Variants in ADAMTS14 observed in about 807,000 individuals in gnomAD.
ADAMTS14 encodes the protein ADAM metallopeptidase with thrombospondin type 1 motif 14, also known as A disintegrin and metalloproteinase with thrombospondin motifs 14.
In ADAMTS14, 100 loss-of-function variants were observed where a neutral mutation model predicts 128.6. That is an observed-to-expected ratio of 0.78 (90% CI 0.66 to 0.92). The LOEUF (loss-of-function observed/expected upper bound fraction) is 0.92, where lower values mean the gene tolerates loss of function less well. Among genes scored for constraint, ADAMTS14 ranks in the 40% least tolerant of loss-of-function variants. ADAMTS14 has a pLI of 0.00. For missense variants in ADAMTS14, 1,562 were observed against 1,658.6 expected (o/e 0.94, Z 1.01); for synonymous variants, 665 against 653.8 (o/e 1.02, Z -0.26).
chr10:70,729,169 A>G (rs1841539300), intron 4 of ADAMTS14, 125 bp from the exon 5 acceptor site: 7 of 787,770 alleles, frequency 8.9e-6, no homozygotes, highest in Non-Finnish European at 1.5e-5. Context: ...GTAAAGTAGG[A>G]TAAGTATCTT....
intron 12 of ADAMTS14, 23 bp downstream of exon 12, chr10:70,741,185 C>T (rs948292510): frequency 3.7e-6 from 6 of 1,609,428 alleles, no homozygotes; most frequent in Non-Finnish European, 5.1e-6. Flanking sequence ...CACCCCCCTC[C>T]CACTCCATGT....
At position 70,733,920 on chromosome 10, in the gene ADAMTS14, G is replaced by T; in HGVS notation, c.1244G>T (p.Cys415Phe). 6.2e-7 allele frequency: 1 copy of T among 1,613,916 alleles called. No individual in the cohort carries two copies. The highest frequency in any genetic ancestry group is 8.5e-7 in the Non-Finnish European group (1 of 1,179,994). ...GAGCATGACGGTCAGGGGAATGGCT[G>T]TGCAGATGAGACCAGCCTGGGCAGC... ...GMEHDGQGNG[C>F]ADETSLGSVM... Residue 415 changes from cysteine (C) to phenylalanine (F), a missense_variant, in exon 8 of 22, where the codon TGT becomes TTT. Physicochemically the swap from Cys to Phe is radical, Grantham distance 205. Coordinates refer to ENST00000373207, the MANE Select transcript of ADAMTS14 (RefSeq NM_080722.4).
intron 4 of ADAMTS14, among the ~76,000 whole-genome samples, chr10:70,717,602 G>T (rs542027810): frequency 7.2e-5 from 11 of 152,312 alleles, no homozygotes; most frequent in Non-Finnish European, 1.5e-5. Flanking sequence ...TGGCCCAGGG[G>T]TGATGGACCA....
At chr10:70,738,775 T>TC in intron 10 of ADAMTS14, 67 bp from the exon 11 acceptor site, 1 of 1,606,220 alleles carries the variant, frequency 6.2e-7, no homozygotes, top group Non-Finnish European at 8.5e-7. Flanking sequence ...TATCCCTTTT[T>TC]CTGGCTCCCC....
chr10:70,713,772 C>T (rs1245857661), intron 4 of ADAMTS14, among the ~76,000 whole-genome samples: 2 of 152,168 alleles, frequency 1.3e-5, no homozygotes, highest in Admixed American at 1.3e-4. Context: ...GACCTGTGCC[C>T]AGAAGGCAAG....
At position 70,702,334 on chromosome 10, in the gene ADAMTS14, G is replaced by T. The variant is rs879079326; in HGVS notation, c.545G>T (p.Ser182Ile). 6.2e-7 allele frequency: 1 copy of T among 1,614,210 alleles called. No homozygotes were observed. The highest frequency in any genetic ancestry group is 1.1e-5 in the South Asian group (1 of 91,078). ...DGLAGLIRTD[S>I]TDFFIEPLER... ...CAGGCGGGCCTCATCCGCACAGACA[G>T]CACCGACTTCTTCATTGAGCCTCTG... The change falls in exon 3 of 22, where the codon AGC becomes ATC. Residue 182 changes from serine to isoleucine, a missense_variant. Ser to Ile is a moderately radical substitution (Grantham distance 142). Coordinates refer to ENST00000373207, the MANE Select transcript of ADAMTS14 (RefSeq NM_080722.4).
chr10:70,743,473 G>A, intron 12 of ADAMTS14, 75 bp from the exon 13 acceptor site: 4 of 1,510,160 alleles, frequency 2.6e-6, no homozygotes, highest in South Asian at 1.3e-5. Flanking sequence ...TTTCTGGCTG[G>A]ACCACATACT....
In ADAMTS14 at chr10:70,744,194, G is replaced by A. The variant is rs1427035276; in HGVS notation, c.2182+5G>A. The A allele has an allele frequency of 3.3e-6, 5 of 1,523,898 alleles. No homozygotes were observed. The highest frequency in any genetic ancestry group is 4.4e-6 in the Non-Finnish European group (5 of 1,129,852). 94.4% of individuals were successfully genotyped at this position (1,523,898 alleles called of 1,614,324 possible). A position where few individuals can be genotyped will look rare whatever the true frequency, so the allele number is the denominator to read the frequency against. On this transcript the variant is annotated splice_donor_5th_base_variant and intron_variant, in intron 14 of 21. Coordinates refer to ENST00000373207, the MANE Select transcript of ADAMTS14 (RefSeq NM_080722.4). ...GCAAGGCCTCCAAGCAGGCAGGTGA[G>A]CCGGGCTGGGGCTGGGGGGATGACG...
At position 70,740,987 on chromosome 10, in the gene ADAMTS14, C is replaced by A; in HGVS notation, c.1749C>A (p.Ser583=). 6.2e-7 allele frequency: 1 copy of A among 1,613,910 alleles called. No homozygotes were observed. The highest frequency in any genetic ancestry group is 1.1e-5 in the South Asian group (1 of 91,058). Residue 583 remains serine, a splice_region_variant and synonymous_variant, in exon 12 of 22, where the codon TCC becomes TCA. Coordinates refer to ENST00000373207, the MANE Select transcript of ADAMTS14 (RefSeq NM_080722.4). ...RSRSRSCNNP[S]PAYGGRLCLG... ...ATCCATTTCTCTGTGTCTGTCCCAG[C>A]CCAGCCTATGGAGGCCGCCTGTGCT...
At chr10:70,700,832 A>C (rs971624158) in intron 2 of ADAMTS14, among the ~76,000 whole-genome samples, 6 of 152,114 alleles carry the variant, frequency 3.9e-5, no homozygotes, top group African/African-American at 1.4e-4. Context: ...TGCCCATAGG[A>C]GGCACACAGT....
At chr10:70,697,801 A>G (rs1400916159) in intron 2 of ADAMTS14, among the ~76,000 whole-genome samples, 1 of 152,212 alleles carries the variant, frequency 6.6e-6, no homozygotes, top group Non-Finnish European at 1.5e-5. Context: ...AGGGGAACCC[A>G]TACTGGAAAA....
At chr10:70,743,108 A>G (rs148715596) in intron 12 of ADAMTS14, among the ~76,000 whole-genome samples, 6 of 152,228 alleles carry the variant, frequency 3.9e-5, no homozygotes, top group Non-Finnish European at 5.9e-5. Context: ...CTGGTCCTCA[A>G]TTTCCTCCTC....
intron 17 of ADAMTS14, 26 bp downstream of exon 17, chr10:70,751,672 C>G (rs1442027932): frequency 6.3e-7 from 1 of 1,596,356 alleles, no homozygotes; most frequent in South Asian, 1.1e-5. Flanking sequence ...CCCGCCAGTG[C>G]TTTGTTGGGG....
rs1842298765 is a variant in ADAMTS14, at chr10:70,749,872, G to A, written c.2314G>A (p.Glu772Lys). 1.2e-6 allele frequency: 2 copies of A among 1,613,974 alleles called. No individual in the cohort carries two copies. Among genetic ancestry groups the A allele is most frequent in the Non-Finnish European group, 8.5e-7 (1 of 1,180,030 alleles). The change falls in exon 16 of 22, where the codon GAA becomes AAA. Residue 772 changes from glutamate (E) to lysine (K), a missense_variant. Coordinates refer to ENST00000373207, the MANE Select transcript of ADAMTS14 (RefSeq NM_080722.4). ...CTTCATCCTCAACCCCAAGGGCAAGGAAGCCACAAGCCGGACCTTCACCGC... is the reference window on the plus strand; with the variant it reads ...CTTCATCCTCAACCCCAAGGGCAAGAAAGCCACAAGCCGGACCTTCACCGC... ...GSFILNPKGK[E>K]ATSRTFTAMG...
chr10:70,683,624 T>A (rs991881192), intron 2 of ADAMTS14, among the ~76,000 whole-genome samples: 4 of 152,226 alleles, frequency 2.6e-5, no homozygotes, highest in African/African-American at 9.6e-5. Context: ...ATCATTCTTG[T>A]GTAACAAATC....
chr10:70,754,035 G>T, intron 19 of ADAMTS14, 28 bp downstream of exon 19: 1 of 1,509,620 alleles, frequency 6.6e-7, no homozygotes, highest in Middle Eastern at 2.2e-4. Flanking sequence ...GGTGGGAGGG[G>T]CTTGGGGAGG....
At chr10:70,700,916 G>A (rs1484937546) in intron 2 of ADAMTS14, among the ~76,000 whole-genome samples, 3 of 152,214 alleles carry the variant, frequency 2.0e-5, no homozygotes, top group Non-Finnish European at 4.4e-5. Flanking sequence ...ATTTTAACAA[G>A]CACACCAGAA....
At chr10:70,753,556 C>A (rs1270289881) in intron 18 of ADAMTS14, among the ~76,000 whole-genome samples, 1 of 152,158 alleles carries the variant, frequency 6.6e-6, no homozygotes, top group Admixed American at 6.5e-5. Flanking sequence ...ATGCAGGGTG[C>A]TAGGATTTAA....
Position 70,761,010 on chromosome 10 carries a change from C to CTTTGTGGGGT in ADAMTS14, c.*157_*158insTTTGTGGGGT. On this transcript the variant is annotated 3_prime_UTR_variant, in exon 22 of 22. Coordinates refer to ENST00000373207, the MANE Select transcript of ADAMTS14 (RefSeq NM_080722.4). ...TGGGGCTGTGATGCTCTTTACCCCACAAAGCGGGGTGGGAGGAAGACAAAG... is the reference window on the plus strand; with the variant it reads ...TGGGGCTGTGATGCTCTTTACCCCACTTTGTGGGGTAAAGCGGGGTGGGAGGAAGACAAAG... 4.5e-6 allele frequency: 5 copies of CTTTGTGGGGT among 1,120,164 alleles called. No individual in the cohort carries two copies. The highest frequency in any genetic ancestry group is 6.0e-6 in the Non-Finnish European group (5 of 829,126). 69.4% of individuals were successfully genotyped at this position (1,120,164 alleles called of 1,614,324 possible).
Sources: allele counts gnomAD v4.1 joint callset (sites outside exome capture counted in the v4.1 genomes callset), GRCh38; gene constraint gnomAD v4.1.1; transcripts MANE v1.5; gene names NCBI Gene and HGNC (gene_info 2026-07-23, HGNC 2026-07-21).